Variants in KCNH7 observed in about 807,000 individuals in gnomAD.
KCNH7 encodes potassium voltage-gated channel subfamily H member 7.
Under a neutral mutation model 120.8 loss-of-function variants are expected in KCNH7, and 49 were observed. The observed-to-expected ratio is 0.41, with a 90% confidence interval of 0.32 to 0.51. KCNH7 has a LOEUF of 0.51. KCNH7 is among the 20% of genes least tolerant of loss of function. KCNH7 has a pLI of 0.38. For missense variants in KCNH7, 1,097 were observed against 1,446.6 expected (o/e 0.76, Z 3.92); for synonymous variants, 547 against 516.1 (o/e 1.06, Z -0.81).
intron 2 of KCNH7, among the ~76,000 whole-genome samples, chr2:162,718,117 A>G (rs1443405596): frequency 1.3e-5 from 2 of 151,894 alleles, no homozygotes; most frequent in Admixed American, 6.6e-5. Flanking sequence ...AGGAAGGCTT[A>G]TAAAGAATTT....
intron 3 of KCNH7, among the ~76,000 whole-genome samples, chr2:162,525,027 G>A (rs1244726069): frequency 1.3e-5 from 2 of 151,024 alleles, no homozygotes; most frequent in African/African-American, 4.8e-5. Context: ...GCGCAGGCCT[G>A]GTGTCAGTGA....
intron 8 of KCNH7, among the ~76,000 whole-genome samples, chr2:162,425,213 T>G (rs920046111): frequency 1.3e-5 from 2 of 152,092 alleles, no homozygotes; most frequent in African/African-American, 4.8e-5. Context: ...ATCTTGAGAC[T>G]TTTCAGCCTC....
At chr2:162,774,439 G>T (rs977817530) in intron 2 of KCNH7, among the ~76,000 whole-genome samples, 6 of 152,130 alleles carry the variant, frequency 3.9e-5, no homozygotes, top group African/African-American at 1.4e-4. Context: ...ATTTCATTCT[G>T]GGAGTGGGAT....
At position 162,660,904 on chromosome 2, in the gene KCNH7, A is replaced by G. The variant is rs75752043; in HGVS notation, c.308-123824T>C. 4.6e-3 allele frequency among the ~76,000 whole-genome samples: 703 copies of G among 152,304 alleles called. 7 individuals are homozygous for G. The highest frequency in any genetic ancestry group is 0.016 in the African/African-American group (664 of 41,586). On this transcript the variant is annotated intron_variant, in intron 2 of 15. Transcript: ENST00000332142. ...GAGAAAAAGACTTAATTTATTAGATACCAGTAGACCCCAGTATTGTCTCCT... is the reference window on the plus strand; with the variant it reads ...GAGAAAAAGACTTAATTTATTAGATGCCAGTAGACCCCAGTATTGTCTCCT...
At chr2:162,667,539 T>C (rs1559072556) in intron 2 of KCNH7, among the ~76,000 whole-genome samples, 2 of 152,250 alleles carry the variant, frequency 1.3e-5, no homozygotes, top group African/African-American at 2.4e-5. Flanking sequence ...GTTACACTGC[T>C]ATATTTCTTT....
chr2:162,600,792 T>C (rs913613708), intron 2 of KCNH7, among the ~76,000 whole-genome samples: 3 of 152,070 alleles, frequency 2.0e-5, no homozygotes, highest in African/African-American at 4.8e-5. Flanking sequence ...TTTTGTTAAC[T>C]GTAAAATGGA....
intron 2 of KCNH7, among the ~76,000 whole-genome samples, chr2:162,671,196 T>C (rs1191883516): frequency 2.0e-5 from 3 of 152,056 alleles, no homozygotes; most frequent in Non-Finnish European, 2.9e-5. Flanking sequence ...GAACCATCAT[T>C]TCTACTGGAT....
At chr2:162,540,972 T>C (rs1418132926) in intron 2 of KCNH7, among the ~76,000 whole-genome samples, 1 of 151,952 alleles carries the variant, frequency 6.6e-6, no homozygotes, top group Non-Finnish European at 1.5e-5. Context: ...GCGTATAGGA[T>C]TTGCTGATAC....
intron 2 of KCNH7, among the ~76,000 whole-genome samples, 184 bp from the exon 3 acceptor site, chr2:162,537,264 G>A (rs1311625371): frequency 6.6e-6 from 1 of 151,824 alleles, no homozygotes; most frequent in Non-Finnish European, 1.5e-5. Context: ...AAATACATAT[G>A]TCTTTCCAGA....
At chr2:162,834,162 G>T (rs1283633573) in intron 2 of KCNH7, among the ~76,000 whole-genome samples, 1 of 151,964 alleles carries the variant, frequency 6.6e-6, no homozygotes, top group Non-Finnish European at 1.5e-5. Flanking sequence ...CCAAGAATTT[G>T]TATCTCATAA....
At chr2:162,452,567 T>G (rs1688808639) in intron 6 of KCNH7, among the ~76,000 whole-genome samples, 1 of 152,038 alleles carries the variant, frequency 6.6e-6, no homozygotes, top group Admixed American at 6.6e-5. Context: ...TCTGTTAAGT[T>G]GGTGGATGGG....
At chr2:162,687,304 C>T (rs1685931028) in intron 2 of KCNH7, among the ~76,000 whole-genome samples, 1 of 152,078 alleles carries the variant, frequency 6.6e-6, no homozygotes, top group Admixed American at 6.6e-5. Flanking sequence ...TTCACACTGG[C>T]TCTCAAGAAA....
chr2:162,643,982 G>C (rs960944321), intron 2 of KCNH7, among the ~76,000 whole-genome samples: 1 of 151,982 alleles, frequency 6.6e-6, no homozygotes, highest in Non-Finnish European at 1.5e-5. Context: ...GGCAAACACC[G>C]TGGTTCTTCA....
intron 9 of KCNH7, among the ~76,000 whole-genome samples, chr2:162,409,963 C>T (rs980731191): frequency 6.6e-6 from 1 of 151,976 alleles, no homozygotes; most frequent in Non-Finnish European, 1.5e-5. Context: ...ATTTCATGCT[C>T]ATGGATAGGA....
chr2:162,608,520 A>G (rs1682857705), intron 2 of KCNH7, among the ~76,000 whole-genome samples: 1 of 152,178 alleles, frequency 6.6e-6, no homozygotes, highest in East Asian at 1.9e-4. Context: ...GGAGTTATCA[A>G]AATTTTTCTT....
chr2:162,375,895 T>TAAAAAAAAA (rs1224297777), intron 14 of KCNH7, among the ~76,000 whole-genome samples: 4 of 92,126 alleles, frequency 4.3e-5, no homozygotes, highest in Admixed American at 1.3e-4. Flanking sequence ...AGACCCTATC[T>TAAAAAAAAA]AAAAAAAAAA....
chr2:162,513,814 AT>A (rs1193568162), intron 4 of KCNH7, among the ~76,000 whole-genome samples: 1 of 151,854 alleles, frequency 6.6e-6, no homozygotes, highest in African/African-American at 2.4e-5. Context: ...GTTTTAAAAA[AT>A]GTAAACATTT....
Position 162,517,738 on chromosome 2 carries a change from G to T in KCNH7, c.884C>A (p.Ala295Asp). The change falls in exon 4 of 16, where the codon GCC becomes GAC. Residue 295 changes from alanine (A) to aspartate (D), a missense_variant. Transcript: ENST00000332142. ...HPKNIFRDRH[A>D]SEDNGRNVKG... ...AAAAAAATCAAACATACCTTCGCTG[G>T]CATGTCGGTCTCTAAATATGTTCTT... is the stretch of plus-strand genomic sequence containing the variant. 1 of 1,552,454 alleles carries T rather than the reference G, an allele frequency of 6.4e-7. No homozygotes were observed. Among genetic ancestry groups the T allele is most frequent in the South Asian group, 1.2e-5 (1 of 81,572 alleles).
intron 9 of KCNH7, among the ~76,000 whole-genome samples, chr2:162,413,736 A>T (rs1260573556): frequency 6.6e-6 from 1 of 151,988 alleles, no homozygotes; most frequent in African/African-American, 2.4e-5. Context: ...ACAGGAAAGG[A>T]TCTGTGAACT....
Sources: gnomAD v4.1 joint callset for allele counts (sites outside exome capture counted in the v4.1 genomes callset) on GRCh38, gnomAD v4.1.1 for gene constraint, MANE v1.5 for transcripts, NCBI Gene and HGNC (gene_info 2026-07-23, HGNC 2026-07-21) for gene names.